CNTFR: variants seen among roughly 807,000 people sequenced by gnomAD.
CNTFR encodes ciliary neurotrophic factor receptor.
CNTFR carries 12 observed loss-of-function variants against 40.4 expected under a neutral mutation model. The observed-to-expected ratio is 0.30, with a 90% confidence interval of 0.19 to 0.48. CNTFR has a LOEUF of 0.48. Ranked by LOEUF, CNTFR falls within the 20% of genes least tolerant of loss-of-function variation. CNTFR has a pLI of 0.99. For missense variants in CNTFR, 414 were observed against 506.8 expected (o/e 0.82, Z 1.76); for synonymous variants, 202 against 209.6 (o/e 0.96, Z 0.31).
chr9:34,571,860 G>A (rs915754001), intron 2 of CNTFR, among the ~76,000 whole-genome samples: 3 of 152,028 alleles, frequency 2.0e-5, no homozygotes, highest in African/African-American at 7.3e-5. Flanking sequence ...GACAAGGAGA[G>A]GCTGAGATAG....
At chr9:34,571,980 G>C (rs957790081) in intron 2 of CNTFR, among the ~76,000 whole-genome samples, 1 of 152,038 alleles carries the variant, frequency 6.6e-6, no homozygotes, top group Non-Finnish European at 1.5e-5. Context: ...ACCCCTGGCA[G>C]GGTCTCTGCC....
intron 2 of CNTFR, among the ~76,000 whole-genome samples, chr9:34,574,949 C>T (rs1168034517): frequency 6.6e-6 from 1 of 152,192 alleles, no homozygotes; most frequent in Non-Finnish European, 1.5e-5. Flanking sequence ...CAGCCTGTGC[C>T]CACATGTGGA....
At chr9:34,571,815 G>T (rs77742396) in intron 2 of CNTFR, among the ~76,000 whole-genome samples, 1 of 152,092 alleles carries the variant, frequency 6.6e-6, no homozygotes, top group Admixed American at 6.5e-5. Context: ...CAAGAGGGAG[G>T]GAGAGAGGAG....
chr9:34,557,429 A>G lies in CNTFR; in HGVS notation c.604+97T>C. ...GTGCAGAGGCATGTACATGCCATGTATACATGTGCATGCATGTGGACATCC... is the reference window on the plus strand; with the variant it reads ...GTGCAGAGGCATGTACATGCCATGTGTACATGTGCATGCATGTGGACATCC... On this transcript the variant is annotated intron_variant, in intron 6 of 9. Transcript: ENST00000378980. This position sits in a 1 kb window ranked among gnomAD's most constrained non-coding sequence, Gnocchi z 4.2. 1 of 1,357,630 alleles carries G rather than the reference A, an allele frequency of 7.4e-7. No individual in the cohort carries two copies. The highest frequency in any genetic ancestry group is 1.0e-6 in the Non-Finnish European group (1 of 975,088). 84.1% of individuals were successfully genotyped at this position (1,357,630 alleles called of 1,614,324 possible).
Position 34,552,187 on chromosome 9 carries a change from G to C in CNTFR, c.1092C>G (p.Ala364=). ...VPITLALAAA[A]ATASSLLI ...AGATCAAGAGACTGCTGGCAGTGGCGGCAGCGGCAGCCAGGGCCAGAGTGA... is the reference window on the plus strand; with the variant it reads ...AGATCAAGAGACTGCTGGCAGTGGCCGCAGCGGCAGCCAGGGCCAGAGTGA... Residue 364 remains alanine, a synonymous_variant, in exon 9 of 10, where the codon GCC becomes GCG. Coordinates refer to ENST00000378980, the MANE Select transcript of CNTFR (RefSeq NM_147164.3). The surrounding 1 kb of genome is among the most constrained non-coding windows in gnomAD (Gnocchi z 5.1). 1 of 1,593,332 alleles carries C rather than the reference G, an allele frequency of 6.3e-7. No individual in the cohort carries two copies. Among genetic ancestry groups the C allele is most frequent in the Non-Finnish European group, 8.5e-7 (1 of 1,170,494 alleles).
Position 34,557,677 on chromosome 9 carries a change from A to C in CNTFR, c.453T>G (p.Ile151Met). 3.1e-6 allele frequency: 5 copies of C among 1,614,074 alleles called. No homozygotes were observed. The highest frequency in any genetic ancestry group is 1.6e-4 in the Middle Eastern group (1 of 6,062). Residue 151 changes from isoleucine to methionine, a missense_variant, in exon 6 of 10, where the codon ATT becomes ATG. Around this residue, in one of 3 missense-constraint regions of CNTFR, gnomAD observed 250 missense variants for 269.5 expected, o/e 0.93. Coordinates refer to ENST00000378980, the MANE Select transcript of CNTFR (RefSeq NM_147164.3). The surrounding 1 kb of genome is among the most constrained non-coding windows in gnomAD (Gnocchi z 4.2). ...GGGCTGGGTCCTTCTCACAGACCAT[A>C]ATTTTGGAGCCATGCCTGGGGAGAG... Reference protein sequence around the residue: ...FNVTVLHGSKIMVCEKDPALK... With the variant: ...FNVTVLHGSKMMVCEKDPALK...
intron 4 of CNTFR, 147 bp downstream of exon 4, chr9:34,564,452 C>A: frequency 1.3e-6 from 1 of 766,632 alleles, no homozygotes. Flanking sequence ...GCCAGAAGAG[C>A]GGGCCAGGAC....
intron 4 of CNTFR, among the ~76,000 whole-genome samples, chr9:34,559,845 C>T (rs1825998255): frequency 6.6e-6 from 1 of 152,176 alleles, no homozygotes; most frequent in Non-Finnish European, 1.5e-5. Context: ...CGGCACTGTA[C>T]TCACAGGCCC....
intron 2 of CNTFR, among the ~76,000 whole-genome samples, chr9:34,579,262 A>G (rs1001488599): frequency 1.3e-5 from 2 of 151,856 alleles, no homozygotes; most frequent in Non-Finnish European, 2.9e-5. Flanking sequence ...TAATGGGGTT[A>G]CGGGCTTGGA....
chr9:34,569,343 T>C (rs1826469991), intron 2 of CNTFR, among the ~76,000 whole-genome samples: 2 of 152,186 alleles, frequency 1.3e-5, no homozygotes, highest in South Asian at 2.1e-4. Context: ...ATAAGACTAG[T>C]GGCTACACAA....
chr9:34,571,833 G>T (rs907289392), intron 2 of CNTFR, among the ~76,000 whole-genome samples: 2 of 152,060 alleles, frequency 1.3e-5, no homozygotes, highest in African/African-American at 2.4e-5. Context: ...GAGGAGCTCT[G>T]AGTGGAGACC....
At position 34,556,288 on chromosome 9, in the gene CNTFR, G is replaced by A. The variant is rs571934387; in HGVS notation, c.735C>T (p.Arg245=). 3.7e-6 allele frequency: 6 copies of A among 1,613,592 alleles called. No individual in the cohort carries two copies. The South Asian group carries it at 4.4e-5, about 12-fold the overall frequency. The part of the protein sequence containing the change: ...PESFPLKFFL[R]YRPLILDQWQ... ...ACTGGTCCAGGATGAGGGGTCGGTA[G>A]CGCAGAAAGAACTTGAGAGGAAAAG... Residue 245 remains arginine, a synonymous_variant, in exon 7 of 10, where the codon CGC becomes CGT. Transcript: ENST00000378980.
At position 34,589,683 on chromosome 9, in the gene CNTFR, AGCCGCCGCCTCCGCTGCCGCCGCC is replaced by A. The variant is rs1827697523; in HGVS notation, c.-264_-241del. The A allele has an allele frequency of 6.4e-6, 1 of 156,826 alleles. No individual in the cohort carries two copies. Among genetic ancestry groups the A allele is most frequent in the Admixed American group, 6.6e-5 (1 of 15,154 alleles). 9.7% of individuals were successfully genotyped at this position (156,826 alleles called of 1,614,324 possible). A position where few individuals can be genotyped will look rare whatever the true frequency, so the allele number is the denominator to read the frequency against. On this transcript the variant is annotated 5_prime_UTR_variant, in exon 1 of 10. Coordinates refer to ENST00000378980, the MANE Select transcript of CNTFR (RefSeq NM_147164.3). This position sits in a 1 kb window ranked among gnomAD's most constrained non-coding sequence, Gnocchi z 4.4. ...CCGAGCCTCGCGCCGCGCCGGCTGG[AGCCGCCGCCTCCGCTGCCGCCGCC>A]GCCGCCGCCCGCTCTGCACCGGCTC...
At position 34,585,196 on chromosome 9, in the gene CNTFR, G is replaced by A. The variant is rs1471414275; in HGVS notation, c.-111-3991C>T. Among the ~76,000 whole-genome samples, 5 of 152,198 alleles carry A rather than the reference G, an allele frequency of 3.3e-5. No homozygotes were observed. In the East Asian group the frequency reaches 9.6e-4, roughly 29 times the overall value. On this transcript the variant is annotated intron_variant, in intron 1 of 9. Transcript: ENST00000378980. ...GTGTACGAGGTCTGTGCCAAGGGCA[G>A]GCAGGTACAGGGTGAGCAAGGGAGA... is the stretch of plus-strand genomic sequence containing the variant.
intron 4 of CNTFR, among the ~76,000 whole-genome samples, chr9:34,562,006 C>T (rs1211703539): frequency 6.6e-6 from 1 of 152,162 alleles, no homozygotes. Context: ...GGGCATGTCC[C>T]GTGGGTATAG....
intron 4 of CNTFR, among the ~76,000 whole-genome samples, chr9:34,560,416 A>C (rs1016294585): frequency 2.0e-5 from 3 of 152,208 alleles, no homozygotes; most frequent in African/African-American, 7.2e-5. Flanking sequence ...GAGGCTGTTC[A>C]ATCTCGAGAC....
At chr9:34,576,456 A>G (rs2132227220) in intron 2 of CNTFR, among the ~76,000 whole-genome samples, 1 of 152,242 alleles carries the variant, frequency 6.6e-6, no homozygotes, top group East Asian at 1.9e-4. Flanking sequence ...AAACACCCAC[A>G]TACACACCCT....
chr9:34,569,277 T>C (rs1826466573), intron 2 of CNTFR, among the ~76,000 whole-genome samples: 1 of 152,220 alleles, frequency 6.6e-6, no homozygotes, highest in Non-Finnish European at 1.5e-5. Flanking sequence ...TATTGGCATC[T>C]GTAGGCAAAG....
chr9:34,559,925 G>A (rs940227682), intron 4 of CNTFR, among the ~76,000 whole-genome samples: 2 of 151,890 alleles, frequency 1.3e-5, no homozygotes, highest in Admixed American at 6.6e-5. Flanking sequence ...CTCAGACCGC[G>A]TCCCCTTCCA....
Sources: allele counts gnomAD v4.1 joint callset (sites outside exome capture counted in the v4.1 genomes callset), GRCh38; gene constraint gnomAD v4.1.1; regional missense constraint gnomAD v4.1.1; non-coding constraint Gnocchi (gnomAD v3.1); transcripts MANE v1.5; gene names NCBI Gene and HGNC (gene_info 2026-07-23, HGNC 2026-07-21).